The following PPL variants were observed in gnomAD, a reference collection of about 807,000 sequenced individuals.
The protein encoded by PPL is periplakin.
PPL carries 198 observed loss-of-function variants against 194.4 expected under a neutral mutation model. The observed-to-expected ratio is 1.02, with a 90% CI of 0.91 to 1.15. The LOEUF (loss-of-function observed/expected upper bound fraction) is 1.15, where lower values mean the gene tolerates loss of function less well. Among genes scored for constraint, PPL ranks in the 50% most tolerant of loss-of-function variants. The pLI, the probability that PPL is intolerant of heterozygous loss-of-function variation, is 0.00. For synonymous variants in PPL, 1,220 were observed against 972.4 expected (o/e 1.25, Z -4.74); for missense variants, 2,885 against 2,294.8 (o/e 1.26, Z -5.25).
At chr16:4,901,178 G>T in intron 4 of PPL, 89 bp from the exon 5 acceptor site, 1 of 1,431,100 alleles carries the variant, frequency 7.0e-7, no homozygotes, top group South Asian at 1.3e-5. Context: ...GGGTGGGCAT[G>T]ATGGTGCTCT....
chr16:4,906,576 C>G (rs971863739), intron 2 of PPL, among the ~76,000 whole-genome samples: 7 of 152,212 alleles, frequency 4.6e-5, no homozygotes, highest in Non-Finnish European at 2.9e-5. Flanking sequence ...CCCTGAGCTG[C>G]AGATCAAAGA....
In PPL at chr16:4,892,960, G is replaced by A. The variant is rs1596549212; in HGVS notation, c.1650+253C>T. The stretch of plus-strand genomic sequence containing the variant: ...TCCTGCGGAATTCCACAGCCCATGT[G>A]CCATGCCAGGCGTCAGATCGACAAG... On this transcript the variant is annotated intron_variant, in intron 14 of 21. Coordinates refer to ENST00000345988, the MANE Select transcript of PPL (RefSeq NM_002705.5). 6 of 454,062 alleles carry A rather than the reference G, an allele frequency of 1.3e-5. 1 individual carries two copies. Among genetic ancestry groups the A allele is most frequent in the Middle Eastern group, 5.7e-4 (1 of 1,760 alleles). The allele number at this position is 454,062 out of a possible 1,614,324, so 28.1% of individuals were successfully genotyped here. A position where few individuals can be genotyped will look rare whatever the true frequency, so the allele number is the denominator to read the frequency against.
At chr16:4,893,517 C>T in intron 13 of PPL, 24 bp downstream of exon 13, 2 of 1,610,390 alleles carry the variant, frequency 1.2e-6, no homozygotes, top group Non-Finnish European at 1.7e-6. Context: ...CCCAGAGCCT[C>T]AGGCGAGTGG....
Position 4,894,487 on chromosome 16 carries a change from C to T in PPL, c.1374G>A (p.Glu458=), listed in dbSNP as rs1182534882. The change falls in exon 12 of 22, where the codon GAG becomes GAA. Residue 458 remains glutamate, a synonymous_variant. Coordinates refer to ENST00000345988, the MANE Select transcript of PPL (RefSeq NM_002705.5). ...VCFVIPPTDP[E]ALALADSLGS... ...TGTACCTGTCAGCCAGAGCCAGGGC[C>T]TCAGGGTCTGTGGGGGGGATCACAA... is the stretch of plus-strand genomic sequence containing the variant. 2 of 1,613,912 alleles carry T rather than the reference C, an allele frequency of 1.2e-6. No homozygotes were observed. The highest frequency in any genetic ancestry group is 1.1e-5 in the South Asian group (1 of 91,086).
intron 11 of PPL, 90 bp downstream of exon 11, chr16:4,895,171 C>G: frequency 7.0e-7 from 1 of 1,434,056 alleles, no homozygotes. Flanking sequence ...CAGGCACAGG[C>G]TCCTGAGAAC....
chr16:4,907,859 G>A (rs2088726426), intron 2 of PPL, among the ~76,000 whole-genome samples: 1 of 152,126 alleles, frequency 6.6e-6, no homozygotes, highest in African/African-American at 2.4e-5. Context: ...GGGTTCAGTT[G>A]AAGTTAAAAA....
At chr16:4,891,997 C>A (rs2088328723) in intron 15 of PPL, 38 bp downstream of exon 15, 1 of 1,610,932 alleles carries the variant, frequency 6.2e-7, no homozygotes, top group Non-Finnish European at 8.5e-7. Flanking sequence ...GGCCCCCTGA[C>A]CCCACCCCAA....
In PPL at chr16:4,885,306, C is replaced by T. The variant is rs1214131021; in HGVS notation, c.3349G>A (p.Val1117Met). Residue 1117 changes from valine to methionine, a missense_variant, in exon 22 of 22, where the codon GTG becomes ATG. Coordinates refer to ENST00000345988, the MANE Select transcript of PPL (RefSeq NM_002705.5). This position sits in a 1 kb window ranked among gnomAD's most constrained non-coding sequence, Gnocchi z 6.3. ...GCCGCGTCCTTCTCCACCTTGAGCACCTCCTTGACGGTGATCTTGCCCTCG... is the reference window on the plus strand; with the variant it reads ...GCCGCGTCCTTCTCCACCTTGAGCATCTCCTTGACGGTGATCTTGCCCTCG... The part of the protein sequence containing the change: ...MAEGKITVKE[V>M]LKVEKDAATE... 9.3e-6 allele frequency: 15 copies of T among 1,612,434 alleles called. No individual in the cohort carries two copies. The highest frequency in any genetic ancestry group is 1.3e-5 in the Non-Finnish European group (15 of 1,180,008).
intron 1 of PPL, among the ~76,000 whole-genome samples, chr16:4,929,408 C>T (rs991355605): frequency 3.5e-4 from 54 of 152,230 alleles, no homozygotes; most frequent in African/African-American, 1.2e-3. Flanking sequence ...GCTCTTCCCA[C>T]GCTGTGCCCC....
intron 2 of PPL, among the ~76,000 whole-genome samples, chr16:4,906,722 T>C (rs1308321113): frequency 2.0e-5 from 3 of 152,166 alleles, no homozygotes; most frequent in African/African-American, 7.2e-5. Context: ...TGTTCGAAAG[T>C]TCAAAGTCGG....
At chr16:4,897,541 G>A in intron 9 of PPL, 134 bp downstream of exon 9, 1 of 649,366 alleles carries the variant, frequency 1.5e-6, no homozygotes, top group Non-Finnish European at 2.7e-6. Flanking sequence ...CATGGGTGCT[G>A]GGGGCCTGGG....
At chr16:4,897,652 G>T (rs984010781) in intron 9 of PPL, 23 bp downstream of exon 9, 7 of 1,593,552 alleles carry the variant, frequency 4.4e-6, no homozygotes, top group African/African-American at 1.3e-5. Context: ...GGTGCTGGGG[G>T]GACTCCCAGG....
At position 4,888,099 on chromosome 16, in the gene PPL, C is replaced by T. The variant is rs759931421; in HGVS notation, c.2514+3G>A. On this transcript the variant is annotated splice_donor_region_variant and intron_variant, in intron 20 of 21. Coordinates refer to ENST00000345988, the MANE Select transcript of PPL (RefSeq NM_002705.5). Reference sequence around the variant, plus strand: ...CCGAGGCCGCCTGGCCCATGGAACTCACCTCTTCCTTCACTTTGGTGGCAG... The same window carrying T: ...CCGAGGCCGCCTGGCCCATGGAACTTACCTCTTCCTTCACTTTGGTGGCAG... The T allele has an allele frequency of 1.2e-6, 2 of 1,610,080 alleles. No homozygotes were observed. The highest frequency in any genetic ancestry group is 8.5e-7 in the Non-Finnish European group (1 of 1,176,348).
At chr16:4,900,318 G>T (rs958549056) in intron 6 of PPL, among the ~76,000 whole-genome samples, 1 of 152,108 alleles carries the variant, frequency 6.6e-6, no homozygotes, top group Non-Finnish European at 1.5e-5. Context: ...TACCCCTGGG[G>T]CCTGTTAGGG....
At chr16:4,895,475 C>A in intron 10 of PPL, 68 bp from the exon 11 acceptor site, 1 of 1,604,502 alleles carries the variant, frequency 6.2e-7, no homozygotes, top group East Asian at 2.2e-5. Context: ...GGACGCAGAG[C>A]AGGGGCTGGA....
chr16:4,930,675 G>T (rs1281402829), intron 1 of PPL, among the ~76,000 whole-genome samples: 1 of 152,192 alleles, frequency 6.6e-6, no homozygotes, highest in Non-Finnish European at 1.5e-5. Flanking sequence ...AGAATAGGTG[G>T]ATCTACCCCA....
intron 1 of PPL, among the ~76,000 whole-genome samples, chr16:4,921,251 G>A (rs1219413139): frequency 1.3e-5 from 2 of 152,194 alleles, no homozygotes; most frequent in East Asian, 1.9e-4. Flanking sequence ...GTTCCTCCTC[G>A]GAGTTCCAGG....
In PPL at chr16:4,883,691, C is replaced by T. The variant is rs145507677; in HGVS notation, c.4964G>A (p.Arg1655Gln). Residue 1655 changes from arginine to glutamine, a missense_variant, in exon 22 of 22, where the codon CGG becomes CAG. Physicochemically the swap from Arg to Gln is conservative, Grantham distance 43. Coordinates refer to ENST00000345988, the MANE Select transcript of PPL (RefSeq NM_002705.5). This position sits in a 1 kb window ranked among gnomAD's most constrained non-coding sequence, Gnocchi z 4.8. The stretch of plus-strand genomic sequence containing the variant: ...AGGGTGGATGACTACGATGGAGCGC[C>T]GCAGGTGGTTCTCCCGCTGCTCCCG... ...VKREQRENHL[R>Q]RSIVVIHPDT... is the part of the protein sequence containing the mutation. 1.3e-4 allele frequency: 202 copies of T among 1,613,964 alleles called. No individual in the cohort carries two copies. The African/African-American group carries it at 1.8e-3, about 15-fold the overall frequency.
chr16:4,897,820 C>A (rs567530461), intron 8 of PPL, 50 bp from the exon 9 acceptor site: 1 of 1,474,134 alleles, frequency 6.8e-7, no homozygotes, highest in Non-Finnish European at 9.5e-7. Context: ...ACTGCAGACA[C>A]CAAGGGAGGG....
Sources: gnomAD v4.1 joint callset for allele counts (sites outside exome capture counted in the v4.1 genomes callset) on GRCh38, gnomAD v4.1.1 for gene constraint, Gnocchi (gnomAD v3.1) non-coding constraint, MANE v1.5 for transcripts, NCBI Gene and HGNC (gene_info 2026-07-23, HGNC 2026-07-21) for gene names.